Variants in EFHD1 observed in about 807,000 individuals in gnomAD.
EFHD1 encodes the protein EF-hand domain family member D1.
EFHD1 carries 10 observed loss-of-function variants against 17.2 expected under a neutral mutation model. The ratio of observed to expected loss-of-function variants is 0.58; its 90% CI spans 0.36 to 0.99. EFHD1 has a LOEUF of 0.99. EFHD1 is among the 50% of genes least tolerant of loss of function. The pLI is 0.01. For synonymous variants in EFHD1, 153 were observed against 142.0 expected, an observed-to-expected ratio of 1.08 and a Z score of -0.55; for missense variants, 310 against 327.5, an observed-to-expected ratio of 0.95 and a Z score of 0.41.
At chr2:232,653,613 A>G (rs1574721712) in intron 1 of EFHD1, among the ~76,000 whole-genome samples, 1 of 152,180 alleles carries the variant, frequency 6.6e-6, no homozygotes, top group African/African-American at 2.4e-5. Flanking sequence ...GAGTCCTGCC[A>G]GGACTTAAAT....
chr2:232,631,662 T>C (rs1261916375), upstream of EFHD1, among the ~76,000 whole-genome samples: 1 of 146,184 alleles, frequency 6.8e-6, no homozygotes, highest in African/African-American at 2.6e-5. Context: ...TTTTTCTTTC[T>C]TGAGGAGAGC....
intron 1 of EFHD1, chr2:232,638,477 C>G: frequency 2.1e-6 from 1 of 470,360 alleles, no homozygotes; most frequent in Non-Finnish European, 4.4e-6. Context: ...CCAGTGAAAC[C>G]CAAAAAGGTG....
chr2:232,678,395 C>T (rs933341374), intron 3 of EFHD1, among the ~76,000 whole-genome samples: 2 of 152,114 alleles, frequency 1.3e-5, no homozygotes, highest in Admixed American at 6.6e-5. Context: ...AGAAAAAAGT[C>T]ATTTAAATTA....
chr2:232,607,526 G>A (rs1018284296), intron 1 of EFHD1, among the ~76,000 whole-genome samples: 5 of 151,614 alleles, frequency 3.3e-5, no homozygotes, highest in Non-Finnish European at 5.9e-5. Flanking sequence ...CCTGGGAGGC[G>A]GAGGCTGCAC....
At chr2:232,642,984 C>G (rs1559345788) in intron 1 of EFHD1, among the ~76,000 whole-genome samples, 2 of 152,156 alleles carry the variant, frequency 1.3e-5, no homozygotes. Flanking sequence ...GTCCAGAGGA[C>G]AAGGGTGGCC....
At chr2:232,647,416 G>C (rs12694910) in intron 1 of EFHD1, among the ~76,000 whole-genome samples, 58,381 of 152,188 alleles carry the variant, frequency 0.38, 12,380 homozygotes, top group Non-Finnish European at 0.48. Context: ...CTGGGCCACT[G>C]CACACCCCCT....
intron 2 of EFHD1, among the ~76,000 whole-genome samples, chr2:232,672,070 AG>A (rs1695080380): frequency 3.3e-5 from 5 of 152,096 alleles, no homozygotes; most frequent in Admixed American, 2.6e-4. Context: ...AAAAAAAAAA[AG>A]TTTGAATCGG....
chr2:232,650,531 T>C (rs1267274835), intron 1 of EFHD1, among the ~76,000 whole-genome samples: 4 of 126,832 alleles, frequency 3.2e-5, no homozygotes, highest in East Asian at 2.2e-4. Context: ...TGACCTCAGG[T>C]GATCCACCCG....
upstream of EFHD1, among the ~76,000 whole-genome samples, chr2:232,631,320 C>G (rs1414941792): frequency 6.6e-6 from 1 of 151,694 alleles, no homozygotes; most frequent in Non-Finnish European, 1.5e-5. Flanking sequence ...CTCTCTCTCT[C>G]AGACAGGTCT....
At chr2:232,644,396 T>G (rs1219135221) in intron 1 of EFHD1, among the ~76,000 whole-genome samples, 2 of 152,308 alleles carry the variant, frequency 1.3e-5, no homozygotes, top group Admixed American at 1.3e-4. Context: ...ATTCCTTTAG[T>G]GGCTCCTGGG....
chr2:232,677,219 CACACACACACACACACACACACGT>C, intron 3 of EFHD1, among the ~76,000 whole-genome samples: 1 of 138,282 alleles, frequency 7.2e-6, no homozygotes, highest in Non-Finnish European at 1.5e-5. Flanking sequence ...CACACACACA[CACACACACACACACACACACACGT>C]ACACACACAC....
upstream of EFHD1, chr2:232,633,494 G>A (rs1011155811): frequency 2.4e-6 from 3 of 1,251,898 alleles, no homozygotes; most frequent in African/African-American, 4.7e-5. Flanking sequence ...CCACCAGGCT[G>A]GCAGTCGCTG....
At chr2:232,635,076 C>G (rs1694292100) in intron 1 of EFHD1, among the ~76,000 whole-genome samples, 1 of 152,200 alleles carries the variant, frequency 6.6e-6, no homozygotes, top group Non-Finnish European at 1.5e-5. Flanking sequence ...TCCTCTGCCT[C>G]CCTGACACCC....
At chr2:232,616,927 C>T (rs901813515) in intron 1 of EFHD1, among the ~76,000 whole-genome samples, 1 of 152,230 alleles carries the variant, frequency 6.6e-6, no homozygotes, top group African/African-American at 2.4e-5. Context: ...AGTTTGGGCA[C>T]AGGCAAGGTT....
chr2:232,638,811 C>T (rs72999778), intron 1 of EFHD1, among the ~76,000 whole-genome samples: 6 of 152,204 alleles, frequency 3.9e-5, no homozygotes, highest in Non-Finnish European at 7.3e-5. Flanking sequence ...TAGCTTCAGT[C>T]AACAGTGATC....
At chr2:232,612,272 C>G (rs1016429930) in intron 1 of EFHD1, among the ~76,000 whole-genome samples, 1 of 152,082 alleles carries the variant, frequency 6.6e-6, no homozygotes, top group Non-Finnish European at 1.5e-5. Flanking sequence ...ATTTTGTGGA[C>G]ATTAAAAGCA....
intron 1 of EFHD1, among the ~76,000 whole-genome samples, chr2:232,626,014 A>C (rs1694098572): frequency 1.3e-5 from 2 of 152,070 alleles, no homozygotes; most frequent in Admixed American, 1.3e-4. Context: ...ACATGGCAAG[A>C]CCACGTCTCT....
intron 1 of EFHD1, among the ~76,000 whole-genome samples, chr2:232,654,949 C>T (rs1048601535): frequency 2.6e-5 from 4 of 152,220 alleles, no homozygotes; most frequent in African/African-American, 9.6e-5. Context: ...TCTCCTGTTC[C>T]TGGGCGCTGC....
At chr2:232,660,194 A>AT (rs1292834349) in intron 1 of EFHD1, among the ~76,000 whole-genome samples, 18 of 66,842 alleles carry the variant, frequency 2.7e-4, no homozygotes, top group South Asian at 1.4e-3. Flanking sequence ...TATTTTATTT[A>AT]TTTATTTATT....
Sources: gnomAD v4.1 joint callset for allele counts (sites outside exome capture counted in the v4.1 genomes callset) on GRCh38, gnomAD v4.1.1 for gene constraint, MANE v1.5 for transcripts, NCBI Gene and HGNC (gene_info 2026-07-23, HGNC 2026-07-21) for gene names.